SDK1: variants seen among roughly 807,000 people sequenced by gnomAD.
SDK1 encodes sidekick cell adhesion molecule 1, also known as protein sidekick-1.
SDK1 carries 157 observed loss-of-function variants against 245.5 expected under a neutral mutation model. That is an observed-to-expected ratio of 0.64 (90% CI 0.56 to 0.73). SDK1 has a LOEUF of 0.73. Among genes scored for constraint, SDK1 ranks in the 30% least tolerant of loss-of-function variants. The pLI is 0.00. For synonymous variants in SDK1, 1,647 were observed against 1,278.5 expected (o/e 1.29, Z -6.15); for missense variants, 3,583 against 3,002.3 (o/e 1.19, Z -4.52).
chr7:4,135,717 C>T (rs2128201741), intron 28 of SDK1, among the ~76,000 whole-genome samples: 1 of 152,372 alleles, frequency 6.6e-6, no homozygotes, highest in East Asian at 1.9e-4. Flanking sequence ...GCCTCCCTCA[C>T]TGGTTAGAGT....
At chr7:4,192,912 C>G (rs976493521) in intron 35 of SDK1, among the ~76,000 whole-genome samples, 2 of 151,036 alleles carry the variant, frequency 1.3e-5, no homozygotes, top group Non-Finnish European at 2.9e-5. Context: ...ATTTTATTCA[C>G]AAATACTTTT....
chr7:4,119,643 C>G (rs1584197797), intron 25 of SDK1, among the ~76,000 whole-genome samples: 1 of 148,870 alleles, frequency 6.7e-6, no homozygotes, highest in Admixed American at 6.7e-5. Context: ...AGAAAATACA[C>G]AAAAAACTAA....
intron 1 of SDK1, among the ~76,000 whole-genome samples, chr7:3,495,683 G>T (rs889944384): frequency 2.6e-5 from 4 of 152,212 alleles, no homozygotes; most frequent in African/African-American, 9.6e-5. Context: ...ACTACTCCGT[G>T]TGGTTCCTGC....
chr7:3,491,798 T>C (rs1333404191), intron 1 of SDK1, among the ~76,000 whole-genome samples: 39 of 152,350 alleles, frequency 2.6e-4, no homozygotes, highest in Admixed American at 2.5e-3. Context: ...AAATACTTTT[T>C]CTCATATGCC....
rs73296271 is a variant in SDK1 at position 3,561,049 on chromosome 7, G to T, written c.299-58031G>T. Among the ~76,000 whole-genome samples, 1,369 of 152,136 alleles carry T rather than the reference G, an allele frequency of 9.0e-3. 25 individuals carry two copies. The highest frequency in any genetic ancestry group is 0.031 in the African/African-American group (1,290 of 41,460). On this transcript the variant is annotated intron_variant, in intron 1 of 44. Coordinates refer to ENST00000404826, the MANE Select transcript of SDK1 (RefSeq NM_152744.4). ...TAACATACTATATGTTTTATGTGGT[G>T]AGGATATTGAATTTCTTTCCTTCCC...
intron 1 of SDK1, among the ~76,000 whole-genome samples, chr7:3,535,852 T>G (rs917308047): frequency 3.9e-5 from 6 of 152,130 alleles, no homozygotes; most frequent in Non-Finnish European, 8.8e-5. Context: ...TGTGTCAATA[T>G]TTGCACATAA....
At chr7:3,487,884 G>A (rs1334950890) in intron 1 of SDK1, among the ~76,000 whole-genome samples, 1 of 152,064 alleles carries the variant, frequency 6.6e-6, no homozygotes, top group Non-Finnish European at 1.5e-5. Context: ...GTTCCTTTGG[G>A]GGTTGATAAT....
At chr7:4,126,840 G>C (rs1249009884) in intron 25 of SDK1, among the ~76,000 whole-genome samples, 1 of 152,214 alleles carries the variant, frequency 6.6e-6, no homozygotes, top group African/African-American at 2.4e-5. Context: ...CGGTAGAAAA[G>C]GGGTAACGAT....
At chr7:3,465,663 G>A (rs1780977291) in intron 1 of SDK1, among the ~76,000 whole-genome samples, 1 of 152,166 alleles carries the variant, frequency 6.6e-6, no homozygotes, top group African/African-American at 2.4e-5. Context: ...AAATGACAGA[G>A]GTTGGGCCTG....
intron 1 of SDK1, among the ~76,000 whole-genome samples, chr7:3,455,377 T>C (rs1780637529): frequency 6.7e-6 from 1 of 149,348 alleles, no homozygotes; most frequent in South Asian, 2.1e-4. Context: ...GAAGATTTTC[T>C]TTCCTTTTTT....
At chr7:3,584,115 C>G (rs552709136) in intron 1 of SDK1, among the ~76,000 whole-genome samples, 8 of 152,236 alleles carry the variant, frequency 5.3e-5, no homozygotes, top group African/African-American at 1.9e-4. Flanking sequence ...TATGTTTTTG[C>G]AAACCTATTT....
intron 2 of SDK1, among the ~76,000 whole-genome samples, chr7:3,631,320 A>C (rs1423047805): frequency 6.6e-6 from 1 of 151,934 alleles, no homozygotes; most frequent in Non-Finnish European, 1.5e-5. Context: ...TTAATTGAGA[A>C]CTCTTTTCTC....
chr7:3,649,845 G>GC (rs1022201285), intron 4 of SDK1, among the ~76,000 whole-genome samples: 1 of 152,062 alleles, frequency 6.6e-6, no homozygotes, highest in African/African-American at 2.4e-5. Context: ...GCCCTGTAGA[G>GC]CCCCAGAGGA....
intron 4 of SDK1, among the ~76,000 whole-genome samples, chr7:3,656,096 T>G (rs1783176121): frequency 6.6e-6 from 1 of 152,188 alleles, no homozygotes. Flanking sequence ...GCCAGCTGTT[T>G]CTCAGCTCAT....
At chr7:3,558,847 G>A (rs1013405237) in intron 1 of SDK1, among the ~76,000 whole-genome samples, 2 of 152,076 alleles carry the variant, frequency 1.3e-5, no homozygotes, top group African/African-American at 4.8e-5. Flanking sequence ...TTCTTAAGAA[G>A]CATTTAAACA....
At chr7:3,306,564 A>T (rs531407250) in intron 1 of SDK1, among the ~76,000 whole-genome samples, 71 of 152,318 alleles carry the variant, frequency 4.7e-4, no homozygotes, top group Admixed American at 1.9e-3. Flanking sequence ...GTAAACAGTT[A>T]AGTTTAGGCT....
In SDK1 at chr7:3,992,243, G is replaced by A. The variant is rs532113526; in HGVS notation, c.2131+4921G>A. On this transcript the variant is annotated intron_variant, in intron 14 of 44. Coordinates refer to ENST00000404826, the MANE Select transcript of SDK1 (RefSeq NM_152744.4). ...CCTCTTCCGAGCTCTGTGGAGCAGA[G>A]CCTGGGGCTTGAACTGAGCCTGCAC... Among the ~76,000 whole-genome samples, 7 of 152,356 alleles carry A rather than the reference G, an allele frequency of 4.6e-5. No individual in the cohort carries two copies. The East Asian group carries it at 1.4e-3, about 29-fold the overall frequency.
At chr7:3,826,197 C>G (rs1356938406) in intron 5 of SDK1, among the ~76,000 whole-genome samples, 1 of 152,156 alleles carries the variant, frequency 6.6e-6, no homozygotes, top group Non-Finnish European at 1.5e-5. Flanking sequence ...GGAAACAAGC[C>G]TTGAGCATTT....
Position 3,505,233 on chromosome 7 carries a change from A to G in SDK1, c.299-113847A>G, listed in dbSNP as rs561735568. On this transcript the variant is annotated intron_variant, in intron 1 of 44. Coordinates refer to ENST00000404826, the MANE Select transcript of SDK1 (RefSeq NM_152744.4). ...ATTTTTTTTTGATCTAGGGTTTACAATACACATCTGTAATTTATTGTTCAA... is the reference window on the plus strand; with the variant it reads ...ATTTTTTTTTGATCTAGGGTTTACAGTACACATCTGTAATTTATTGTTCAA... Among the ~76,000 whole-genome samples the G allele has an allele frequency of 9.9e-4, 150 of 152,276 alleles. 1 individual carries two copies. The highest frequency in any genetic ancestry group is 1.7e-3 in the Non-Finnish European group (116 of 68,024).
Sources: gnomAD v4.1 joint callset for allele counts (sites outside exome capture counted in the v4.1 genomes callset) on GRCh38, gnomAD v4.1.1 for gene constraint, MANE v1.5 for transcripts, NCBI Gene and HGNC (gene_info 2026-07-23, HGNC 2026-07-21) for gene names.